The following ZNF333 variants were observed in gnomAD, a reference collection of about 807,000 sequenced individuals.
ZNF333 encodes the protein zinc finger protein 333.
ZNF333 carries 61 observed loss-of-function variants against 76.1 expected under a neutral mutation model. The ratio of observed to expected loss-of-function variants is 0.80; its 90% CI spans 0.65 to 0.99. The LOEUF is 0.99. Among genes scored for constraint, ZNF333 ranks in the 50% least tolerant of loss-of-function variants. The pLI is 0.00. For missense variants in ZNF333, 717 were observed against 822.4 expected, an observed-to-expected ratio of 0.87 and a Z score of 1.57; for synonymous variants, 284 against 305.0, an observed-to-expected ratio of 0.93 and a Z score of 0.72.
chr19:14,705,229 G>A, intron 6 of ZNF333, 59 bp downstream of exon 6: 3 of 1,498,114 alleles, frequency 2.0e-6, no homozygotes, highest in Non-Finnish European at 2.7e-6. Flanking sequence ...GGCCTGGGGT[G>A]TGGGTTGTCT....
intron 7 of ZNF333, among the ~76,000 whole-genome samples, chr19:14,714,473 T>C (rs565717268): frequency 6.8e-4 from 104 of 152,234 alleles, no homozygotes; most frequent in African/African-American, 2.5e-3. Flanking sequence ...GAAGGACTCT[T>C]CTCAGAGCGT....
At chr19:14,724,949 G>A (rs1052899077), downstream of ZNF333, among the ~76,000 whole-genome samples, 1 of 152,184 alleles carries the variant, frequency 6.6e-6, no homozygotes, top group Non-Finnish European at 1.5e-5. Context: ...GAGATGTACT[G>A]TGTTAGTCTG....
At chr19:14,691,512 C>T (rs966949308) in intron 1 of ZNF333, among the ~76,000 whole-genome samples, 3 of 152,094 alleles carry the variant, frequency 2.0e-5, no homozygotes, top group African/African-American at 2.4e-5. Flanking sequence ...TTCAGTTTTA[C>T]GAGTGAGGTG....
intron 6 of ZNF333, 68 bp downstream of exon 6, chr19:14,705,238 C>A: frequency 2.8e-6 from 4 of 1,403,842 alleles, no homozygotes; most frequent in Non-Finnish European, 3.9e-6. Context: ...TGTGGGTTGT[C>A]TGTAAATTGG....
In ZNF333 at chr19:14,719,360, A is replaced by C; in HGVS notation, c.*35A>C. 1 of 1,548,518 alleles carries C rather than the reference A, an allele frequency of 6.5e-7. No homozygotes were observed. The highest frequency in any genetic ancestry group is 8.7e-7 in the Non-Finnish European group (1 of 1,150,382). On this transcript the variant is annotated 3_prime_UTR_variant, in exon 12 of 12. Coordinates refer to ENST00000292530, the MANE Select transcript of ZNF333 (RefSeq NM_032433.4). ...TGTAAAAATATAAACACATGGGGCTATGACTTTCCCTCGTAATACTCCTTT... is the reference window on the plus strand; with the variant it reads ...TGTAAAAATATAAACACATGGGGCTCTGACTTTCCCTCGTAATACTCCTTT...
In ZNF333 at chr19:14,691,546, C is replaced by T. The variant is rs570672375; in HGVS notation, c.-42+1396C>T. Among the ~76,000 whole-genome samples the T allele has an allele frequency of 7.2e-5, 11 of 152,196 alleles. No homozygotes were observed. In the South Asian group the frequency reaches 8.3e-4, roughly 11 times the overall value. ...TGTTTGTTTCCACAAAGAATATATG[C>T]GCTTGCCTTGCCTTTTTAAAAAGAA... On this transcript the variant is annotated intron_variant, in intron 1 of 11. Coordinates refer to ENST00000292530, the MANE Select transcript of ZNF333 (RefSeq NM_032433.4).
At chr19:14,699,320 A>AGCCGG in intron 5 of ZNF333, 39 bp downstream of exon 5, 1 of 1,574,390 alleles carries the variant, frequency 6.4e-7, no homozygotes, top group Non-Finnish European at 8.7e-7. Context: ...CCAGCATGGG[A>AGCCGG]GAAGTTGAGG....
chr19:14,709,045 TAGTG>T (rs2042199925), intron 7 of ZNF333: 1 of 152,310 alleles, frequency 6.6e-6, no homozygotes, highest in South Asian at 2.1e-4. Flanking sequence ...GTTCTCTTGA[TAGTG>T]AGTGAGTTCT....
chr19:14,731,094 T>TC, intron 11 of ZNF333: 3 of 1,076,380 alleles, frequency 2.8e-6, no homozygotes, highest in Admixed American at 2.1e-5. Flanking sequence ...TCCTGCCCCC[T>TC]CCCCCCAAGG....
intron 7 of ZNF333, chr19:14,708,756 T>C (rs2042191042): frequency 5.4e-6 from 1 of 184,252 alleles, no homozygotes; most frequent in African/African-American, 2.3e-5. Flanking sequence ...ACAGCAAAAA[T>C]ATATTGTCTC....
intron 11 of ZNF333, chr19:14,731,041 T>C (rs934210665): frequency 5.5e-6 from 4 of 726,100 alleles, no homozygotes; most frequent in Non-Finnish European, 9.5e-6. Context: ...AGGACATTCA[T>C]AGGCAGTCCC....
chr19:14,695,976 CG>C (rs1449929888), intron 4 of ZNF333, among the ~76,000 whole-genome samples: 2 of 152,092 alleles, frequency 1.3e-5, no homozygotes, highest in African/African-American at 4.8e-5. Context: ...GTCAGGAGTT[CG>C]AGACCAGCCT....
At chr19:14,715,256 TGTGA>T (rs1474251301) in intron 7 of ZNF333, 122 bp from the exon 8 acceptor site, 1 of 726,722 alleles carries the variant, frequency 1.4e-6, no homozygotes, top group Non-Finnish European at 2.3e-6. Context: ...TGTGTGTCCC[TGTGA>T]GTGTGTGCAT....
At chr19:14,728,691 T>C (rs546411554) in intron 11 of ZNF333, among the ~76,000 whole-genome samples, 10 of 152,284 alleles carry the variant, frequency 6.6e-5, no homozygotes, top group African/African-American at 2.4e-4. Context: ...GTGAATCCCT[T>C]TACACCTTAG....
At chr19:14,693,517 T>A in intron 2 of ZNF333, 23 bp downstream of exon 2, 3 of 1,599,472 alleles carry the variant, frequency 1.9e-6, no homozygotes, top group Non-Finnish European at 2.6e-6. Context: ...GGGGCTCCTG[T>A]GGCTGAAGGG....
chr19:14,693,630 A>AC, intron 2 of ZNF333, 136 bp downstream of exon 2: 6 of 1,099,398 alleles, frequency 5.5e-6, no homozygotes, highest in Non-Finnish European at 7.6e-6. Flanking sequence ...GAGCATCCTC[A>AC]TCCCTGCCCT....
At chr19:14,722,678 C>T (rs1470199453), downstream of ZNF333, among the ~76,000 whole-genome samples, 1 of 152,168 alleles carries the variant, frequency 6.6e-6, no homozygotes, top group African/African-American at 2.4e-5. Context: ...CATTGCAAAT[C>T]TAATGTCGTG....
chr19:14,692,754 C>T (rs1456090091), intron 1 of ZNF333, among the ~76,000 whole-genome samples: 2 of 150,838 alleles, frequency 1.3e-5, no homozygotes, highest in Non-Finnish European at 2.9e-5. Flanking sequence ...CCCAAGTGAT[C>T]CACCTGCCTC....
At chr19:14,694,255 T>G (rs898260480) in intron 2 of ZNF333, among the ~76,000 whole-genome samples, 2 of 152,100 alleles carry the variant, frequency 1.3e-5, no homozygotes, top group Non-Finnish European at 2.9e-5. Flanking sequence ...GGCAGATCAC[T>G]TGAGGCTGGG....
Sources: allele counts gnomAD v4.1 joint callset (sites outside exome capture counted in the v4.1 genomes callset), GRCh38; gene constraint gnomAD v4.1.1; transcripts MANE v1.5; gene names NCBI Gene and HGNC (gene_info 2026-07-23, HGNC 2026-07-21).